The following NDST1 variants were observed in gnomAD, a reference collection of about 807,000 sequenced individuals.
NDST1 encodes the protein N-deacetylase and N-sulfotransferase 1, also known as bifunctional heparan sulfate N-deacetylase/N-sulfotransferase 1.
NDST1 carries 35 observed loss-of-function variants against 92.8 expected under a neutral mutation model. That is an observed-to-expected ratio of 0.38 (90% CI 0.29 to 0.50). The LOEUF is 0.50. Among genes scored for constraint, NDST1 ranks in the 20% least tolerant of loss-of-function variants. NDST1 has a pLI of 0.94. For missense variants in NDST1, 822 were observed against 1,182.7 expected, an observed-to-expected ratio of 0.69 and a Z score of 4.47; for synonymous variants, 493 against 500.3, an observed-to-expected ratio of 0.99 and a Z score of 0.19.
In NDST1 at chr5:150,553,349, C is replaced by T. The variant is rs1755802641; in HGVS notation, c.*17C>T. 6.2e-7 allele frequency: 1 copy of T among 1,611,544 alleles called. No individual in the cohort carries two copies. ...ACCAGGTAGCCGTGGCCACCACAGC[C>T]AGACTGAACGTTTGTGAAAGCTGGG... is the stretch of plus-strand genomic sequence containing the variant. On this transcript the variant is annotated 3_prime_UTR_variant, in exon 15 of 15. Transcript: ENST00000261797. This position sits in a 1 kb window ranked among gnomAD's most constrained non-coding sequence, Gnocchi z 4.2.
rs1393510278 is a variant in NDST1 at position 150,539,298 on chromosome 5, G to C, written c.1508G>C (p.Ser503Thr). ...TACAACGAGTACCCTGGCGGCTCCA[G>C]TGAGCTGGACAAGATCATCAACGGG... ...IFYNEYPGGS[S>T]ELDKIINGGE... The change falls in exon 7 of 15, where the codon AGT (serine) becomes ACT (threonine). Residue 503 changes from serine to threonine, a missense_variant. Transcript: ENST00000261797. 2 of 1,613,992 alleles carry C rather than the reference G, an allele frequency of 1.2e-6. No individual in the cohort carries two copies. The highest frequency in any genetic ancestry group is 1.7e-6 in the Non-Finnish European group (2 of 1,180,032).
intron 1 of NDST1, among the ~76,000 whole-genome samples, chr5:150,519,908 G>T (rs918825975): frequency 1.3e-5 from 2 of 152,102 alleles, no homozygotes; most frequent in African/African-American, 2.4e-5. Flanking sequence ...GGTGCGGGGG[G>T]TTCAGGCTGA....
chr5:150,551,708 G>A, intron 13 of NDST1, 45 bp from the exon 14 acceptor site: 3 of 1,605,150 alleles, frequency 1.9e-6, no homozygotes, highest in South Asian at 2.2e-5. Flanking sequence ...GTCGGAAGTG[G>A]GTGGCTGAGC....
chr5:150,538,270 A>G (rs1755083582), intron 6 of NDST1, among the ~76,000 whole-genome samples: 1 of 152,248 alleles, frequency 6.6e-6, no homozygotes, highest in Non-Finnish European at 1.5e-5. Context: ...ATGTAAGGCC[A>G]GCCATTGGAT....
rs957519293 is a variant in NDST1, at chr5:150,521,904, G to T, written c.513+137G>T. 1 of 1,152,180 alleles carries T rather than the reference G, an allele frequency of 8.7e-7. No individual in the cohort carries two copies. Among genetic ancestry groups the T allele is most frequent in the Non-Finnish European group, 1.3e-6 (1 of 792,406 alleles). The allele number at this position is 1,152,180 out of a possible 1,614,324, so 71.4% of individuals were successfully genotyped here. A position where few individuals can be genotyped will look rare whatever the true frequency, so the allele number is the denominator to read the frequency against. On this transcript the variant is annotated intron_variant, in intron 2 of 14. Transcript: ENST00000261797. The surrounding 1 kb of genome is among the most constrained non-coding windows in gnomAD (Gnocchi z 5.9). ...GGGAGGGTTAAATGAGTGAGTATAT[G>T]TAAAGCACTGGGAGCATGCGGTGCC...
intron 1 of NDST1, among the ~76,000 whole-genome samples, chr5:150,501,281 T>C (rs1339572182): frequency 6.6e-6 from 1 of 151,940 alleles, no homozygotes. Flanking sequence ...GCTGGGAGCA[T>C]GGGGTAGGCA....
At position 150,549,732 on chromosome 5, in the gene NDST1, A is replaced by G. The variant is rs771780923; in HGVS notation, c.2371A>G (p.Met791Val). The change falls in exon 13 of 15, where the codon ATG becomes GTG. Residue 791 changes from methionine to valine, a missense_variant. Met to Val is a conservative substitution (Grantham distance 21). Transcript: ENST00000261797. ...LRTEPAKVMDMVQKFLGVTNT... is the reference protein window; with the variant it reads ...LRTEPAKVMDVVQKFLGVTNT... Reference sequence around the variant, plus strand: ...CACAGAACCTGCCAAAGTGATGGACATGGTGCAGAAGTTCCTTGGGGTGAC... The same window carrying G: ...CACAGAACCTGCCAAAGTGATGGACGTGGTGCAGAAGTTCCTTGGGGTGAC... 32 of 1,614,152 alleles carry G rather than the reference A, an allele frequency of 2.0e-5. No homozygotes were observed. The highest frequency in any genetic ancestry group is 1.0e-4 in the Admixed American group (6 of 60,024).
rs201503802 is a variant in NDST1 at position 150,533,650 on chromosome 5, A to G, written c.1096+618A>G. ...TGCCTTCTGCCCAGGCCTCAGTGAG[A>G]CAACCTCTCTTGAATTCTAAGAAAA... On this transcript the variant is annotated intron_variant, in intron 4 of 14. Transcript: ENST00000261797. 8.5e-5 allele frequency among the ~76,000 whole-genome samples: 13 copies of G among 152,312 alleles called. No homozygotes were observed. The East Asian group carries it at 2.5e-3, about 29-fold the overall frequency.
chr5:150,542,904 C>A lies in NDST1; in HGVS notation c.1903C>A (p.Pro635Thr), dbSNP rs753137532. The A allele has an allele frequency of 6.2e-7, 1 of 1,614,158 alleles. No homozygotes were observed. The highest frequency in any genetic ancestry group is 1.1e-5 in the South Asian group (1 of 91,078). ...GMHPDLSSNY[P>T]SSETFEEIQF... ...GCACCCTGACCTAAGCAGCAACTACCCCAGCTCTGAGACCTTTGAGGAGAT... is the reference window on the plus strand; with the variant it reads ...GCACCCTGACCTAAGCAGCAACTACACCAGCTCTGAGACCTTTGAGGAGAT... Residue 635 changes from proline to threonine, a missense_variant, in exon 10 of 15, where the codon CCC becomes ACC. By Grantham distance (38) the Pro-to-Thr change is conservative (BLOSUM62 -1). Transcript: ENST00000261797.
In NDST1 at chr5:150,540,677, AT is replaced by A. The variant is rs1755207326; in HGVS notation, c.1749+414del. Among the ~76,000 whole-genome samples the A allele has an allele frequency of 2.6e-5, 4 of 152,156 alleles. No homozygotes were observed. The South Asian group carries it at 8.3e-4, about 32-fold the overall frequency. On this transcript the variant is annotated intron_variant, in intron 8 of 14. Coordinates refer to ENST00000261797, the MANE Select transcript of NDST1 (RefSeq NM_001543.5). ...CAAAAAATACAAAAATTAGCCGGGCATGATGGTGCGCATCTATAGTCCCAGC... is the reference window on the plus strand; with the variant it reads ...CAAAAAATACAAAAATTAGCCGGGCAGATGGTGCGCATCTATAGTCCCAGC...
At position 150,548,372 on chromosome 5, in the gene NDST1, C is replaced by T; in HGVS notation, c.2300C>T (p.Ala767Val). Residue 767 changes from alanine (A) to valine (V), a missense_variant, in exon 12 of 15, where the codon GCC (alanine) becomes GTC (valine). Ala to Val is a moderately conservative substitution (Grantham distance 64, BLOSUM62 0). Transcript: ENST00000261797. ...YATHIERWLSAYHANQILVLD... is the reference protein window; with the variant it reads ...YATHIERWLSVYHANQILVLD... ...ACCCACATCGAGCGCTGGCTCAGTG[C>T]CTATCACGCCAACCAGGTAGCTGCT... 4 of 1,612,366 alleles carry T rather than the reference C, an allele frequency of 2.5e-6. No individual in the cohort carries two copies. Among genetic ancestry groups the T allele is most frequent in the Middle Eastern group, 1.7e-4 (1 of 6,058 alleles).
At chr5:150,544,925 G>T (rs962006488) in intron 10 of NDST1, among the ~76,000 whole-genome samples, 2 of 152,136 alleles carry the variant, frequency 1.3e-5, no homozygotes, top group African/African-American at 4.8e-5. Flanking sequence ...GAGCCACTCT[G>T]AGCCCCAGCT....
At chr5:150,518,045 C>T (rs1246165073) in intron 1 of NDST1, among the ~76,000 whole-genome samples, 1 of 152,208 alleles carries the variant, frequency 6.6e-6, no homozygotes, top group Non-Finnish European at 1.5e-5. Context: ...TCACCCCAGC[C>T]TTCCTGGCTC....
chr5:150,528,334 G>A, intron 3 of NDST1, 36 bp downstream of exon 3: 1 of 1,554,756 alleles, frequency 6.4e-7, no homozygotes, highest in Non-Finnish European at 8.7e-7. Context: ...CAAGGCAGGT[G>A]GGGCCTGGCA....
rs141438799 is a variant in NDST1 at position 150,521,504 on chromosome 5, T to C, written c.250T>C (p.Leu84=). The stretch of plus-strand genomic sequence containing the variant: ...AGCCACCCCTTCCCGCACAGACCCG[T>C]TGGTGCTGGTCTTTGTGGAGAGCCT... ...QAATPSRTDP[L]VLVFVESLYS... The change falls in exon 2 of 15, where the codon TTG becomes CTG. Residue 84 remains leucine (L), a synonymous_variant. Coordinates refer to ENST00000261797, the MANE Select transcript of NDST1 (RefSeq NM_001543.5). This position sits in a 1 kb window ranked among gnomAD's most constrained non-coding sequence, Gnocchi z 5.9. 1.1e-5 allele frequency: 17 copies of C among 1,613,892 alleles called. No individual in the cohort carries two copies. The highest frequency in any genetic ancestry group is 1.4e-5 in the Non-Finnish European group (16 of 1,180,004).
chr5:150,539,567 C>T, intron 7 of NDST1: 1 of 1,420,502 alleles, frequency 7.0e-7, no homozygotes, highest in Non-Finnish European at 9.2e-7. Context: ...CTTTCCTAAT[C>T]ATGTACTTTA....
intron 8 of NDST1, 26 bp from the exon 9 acceptor site, chr5:150,541,544 A>G (rs372565843): frequency 3.7e-6 from 6 of 1,611,406 alleles, no homozygotes; most frequent in African/African-American, 1.3e-5. Context: ...GGGGCGCCCC[A>G]CACATCCCTT....
In NDST1 at chr5:150,523,375, A is replaced by G. The variant is rs541850585; in HGVS notation, c.513+1608A>G. On this transcript the variant is annotated intron_variant, in intron 2 of 14. Transcript: ENST00000261797. ...AGTCCCAGGCCTGAAAAGCGTCAAG[A>G]GGCTGACGTTTATTGAGTGCTCACT... Among the ~76,000 whole-genome samples the G allele has an allele frequency of 1.4e-4, 21 of 152,326 alleles. No homozygotes were observed. The East Asian group carries it at 4.0e-3, about 29-fold the overall frequency.
chr5:150,539,663 TA>T (rs1755157015), intron 7 of NDST1: 1 of 985,208 alleles, frequency 1.0e-6, no homozygotes, highest in African/African-American at 1.7e-5. Flanking sequence ...CACACACATA[TA>T]TGAACAACAT....
Sources: allele counts gnomAD v4.1 joint callset (sites outside exome capture counted in the v4.1 genomes callset), GRCh38; gene constraint gnomAD v4.1.1; non-coding constraint Gnocchi (gnomAD v3.1); transcripts MANE v1.5; gene names NCBI Gene and HGNC (gene_info 2026-07-23, HGNC 2026-07-21).